SORCS2: variants seen among roughly 807,000 people sequenced by gnomAD.
The protein encoded by SORCS2 is VPS10 domain-containing receptor SorCS2.
A neutral mutation model predicts 141.6 loss-of-function variants in SORCS2; 100 were observed. That is an observed-to-expected ratio of 0.71 (90% CI 0.60 to 0.83). The LOEUF (loss-of-function observed/expected upper bound fraction) is 0.83, where lower values mean the gene tolerates loss of function less well. SORCS2 is among the 40% of genes least tolerant of loss of function. The pLI is 0.00. For missense variants in SORCS2, 1,646 were observed against 1,560.2 expected, an observed-to-expected ratio of 1.05 and a Z score of -0.93; for synonymous variants, 789 against 676.9, an observed-to-expected ratio of 1.17 and a Z score of -2.57.
chr4:7,327,677 A>T (rs992327016), intron 1 of SORCS2, among the ~76,000 whole-genome samples: 4 of 151,822 alleles, frequency 2.6e-5, no homozygotes, highest in Non-Finnish European at 5.9e-5. Flanking sequence ...GTCTCCCGGG[A>T]CGTCTCTTGT....
At chr4:7,414,786 A>G (rs760812046) in intron 2 of SORCS2, among the ~76,000 whole-genome samples, 2 of 152,204 alleles carry the variant, frequency 1.3e-5, no homozygotes, top group Non-Finnish European at 2.9e-5. Context: ...GCTGGACACG[A>G]ACTCAAGGTT....
At position 7,733,369 on chromosome 4, in the gene SORCS2, C is replaced by T; in HGVS notation, c.3156C>T (p.Phe1052=). The T allele has an allele frequency of 4.4e-6, 7 of 1,586,560 alleles. No homozygotes were observed. The highest frequency in any genetic ancestry group is 6.0e-6 in the Non-Finnish European group (7 of 1,167,270). ...TGCTGAACGCACAGAAGATCAGCTT[C>T]CTCCTGCGAGGCGGAGTCCGGGTCC... ...QQVLNAQKIS[F]LLRGGVRVLV... is the part of the protein sequence containing the mutation. Residue 1052 remains phenylalanine, a synonymous_variant, in exon 24 of 27, where the codon TTC becomes TTT. Transcript: ENST00000507866.
rs12508993 is a variant in SORCS2 at position 7,383,190 on chromosome 4, G to C, written c.481-13098G>C. Among the ~76,000 whole-genome samples, 492 of 152,150 alleles carry C rather than the reference G, an allele frequency of 3.2e-3. 5 individuals carry two copies. The East Asian group carries it at 0.047, about 14-fold the overall frequency. On this transcript the variant is annotated intron_variant, in intron 1 of 26. Coordinates refer to ENST00000507866, the MANE Select transcript of SORCS2 (RefSeq NM_020777.3). Reference sequence around the variant, plus strand: ...GATAATTTGGTACGGAGCTCAAGAGGGCTCTGTGTGGCTTCTTCCCAAGTT... The same window carrying C: ...GATAATTTGGTACGGAGCTCAAGAGCGCTCTGTGTGGCTTCTTCCCAAGTT...
chr4:7,467,947 G>A (rs1250404103), intron 2 of SORCS2, among the ~76,000 whole-genome samples: 1 of 152,208 alleles, frequency 6.6e-6, no homozygotes. Context: ...GTTTGAGTGG[G>A]CTCCTGCCCA....
rs557430915 is a variant in SORCS2 at position 7,256,160 on chromosome 4, C to G, written c.480+63034C>G. Among the ~76,000 whole-genome samples, 13 of 152,244 alleles carry G rather than the reference C, an allele frequency of 8.5e-5. No homozygotes were observed. The East Asian group carries it at 2.5e-3, about 30-fold the overall frequency. The stretch of plus-strand genomic sequence containing the variant: ...GGCCATGGGTGTCTGGGGCAAGTGT[C>G]CTGAAGAACAGCCCTGGGGCAGGGA... On this transcript the variant is annotated intron_variant, in intron 1 of 26. Coordinates refer to ENST00000507866, the MANE Select transcript of SORCS2 (RefSeq NM_020777.3).
At chr4:7,522,353 A>T (rs1293101561) in intron 2 of SORCS2, among the ~76,000 whole-genome samples, 3 of 152,272 alleles carry the variant, frequency 2.0e-5, no homozygotes, top group Non-Finnish European at 4.4e-5. Context: ...GCAGTTAAGC[A>T]GCCGATTTGC....
At chr4:7,478,850 C>T (rs11934986) in intron 2 of SORCS2, among the ~76,000 whole-genome samples, 33,133 of 152,084 alleles carry the variant, frequency 0.22, 4,042 homozygotes, top group African/African-American at 0.34. Context: ...AGCTGGGCAC[C>T]GAGGCCTGGG....
At chr4:7,640,532 G>A (rs1031040196) in intron 4 of SORCS2, among the ~76,000 whole-genome samples, 23 of 151,688 alleles carry the variant, frequency 1.5e-4, no homozygotes, top group Admixed American at 2.0e-4. Context: ...GTGGACGTGC[G>A]TGGGTGTGTG....
chr4:7,677,877 G>A (rs991061438), intron 9 of SORCS2, among the ~76,000 whole-genome samples: 5 of 152,142 alleles, frequency 3.3e-5, no homozygotes, highest in African/African-American at 1.2e-4. Flanking sequence ...TGTCCCAAAG[G>A]CCCTGCCCTC....
chr4:7,631,533 C>G (rs1719894633), intron 3 of SORCS2, among the ~76,000 whole-genome samples: 2 of 152,138 alleles, frequency 1.3e-5, no homozygotes, highest in Admixed American at 1.3e-4. Context: ...TGATGGACAG[C>G]CTCTCCTCCA....
At chr4:7,272,895 C>G (rs1715242405) in intron 1 of SORCS2, among the ~76,000 whole-genome samples, 2 of 152,252 alleles carry the variant, frequency 1.3e-5, no homozygotes, top group South Asian at 2.1e-4. Context: ...TCTCCAAGAC[C>G]CTCTTTGCTC....
chr4:7,215,087 A>G (rs1471252561), intron 1 of SORCS2, among the ~76,000 whole-genome samples: 8 of 152,040 alleles, frequency 5.3e-5, no homozygotes, highest in Admixed American at 3.3e-4. Context: ...TGGGCTGGCC[A>G]AGGCAGGAGC....
rs1726921470 is a variant in SORCS2, at chr4:7,192,786, G to A, written c.140G>A (p.Gly47Glu). The change falls in exon 1 of 27, where the codon GGG becomes GAG. Residue 47 changes from glycine to glutamate, a missense_variant. Coordinates refer to ENST00000507866, the MANE Select transcript of SORCS2 (RefSeq NM_020777.3). The surrounding 1 kb of genome is among the most constrained non-coding windows in gnomAD (Gnocchi z 4.0). Reference protein sequence around the residue: ...LLLLLLLGACGAAGRSPEPGR... With the variant: ...LLLLLLLGACEAAGRSPEPGR... ...CTGCTGCTGCTGCTGGGCGCCTGCG[G>A]GGCGGCGGGGCGCTCCCCTGAGCCC... 4 of 1,013,430 alleles carry A rather than the reference G, an allele frequency of 3.9e-6. No homozygotes were observed. The highest frequency in any genetic ancestry group is 3.5e-5 in the African/African-American group (2 of 57,330). The allele number at this position is 1,013,430 out of a possible 1,614,324, so 62.8% of individuals were successfully genotyped here.
intron 9 of SORCS2, among the ~76,000 whole-genome samples, chr4:7,677,269 A>G (rs893564946): frequency 6.6e-6 from 1 of 152,084 alleles, no homozygotes; most frequent in Admixed American, 6.5e-5. Flanking sequence ...CATCGCACCA[A>G]TGTGGCTCCA....
At chr4:7,625,720 A>T (rs865822404) in intron 3 of SORCS2, among the ~76,000 whole-genome samples, 1 of 149,640 alleles carries the variant, frequency 6.7e-6, no homozygotes, top group Non-Finnish European at 1.5e-5. Context: ...GAGATGAAGG[A>T]AGGAGAGAAG....
At chr4:7,543,117 G>A (rs576685960) in intron 3 of SORCS2, among the ~76,000 whole-genome samples, 1 of 152,350 alleles carries the variant, frequency 6.6e-6, no homozygotes, top group Admixed American at 6.5e-5. Context: ...CAGGCTGAAG[G>A]ACACAGGATG....
intron 2 of SORCS2, among the ~76,000 whole-genome samples, chr4:7,461,635 C>A (rs1040049396): frequency 2.0e-5 from 3 of 152,194 alleles, no homozygotes; most frequent in Non-Finnish European, 4.4e-5. Flanking sequence ...GTAGCAGCAG[C>A]CTCGCTGCTG....
At chr4:7,737,758 T>C (rs554484676) in intron 26 of SORCS2, among the ~76,000 whole-genome samples, 2 of 152,346 alleles carry the variant, frequency 1.3e-5, no homozygotes, top group East Asian at 1.9e-4. Flanking sequence ...TATGGCCGTT[T>C]TCTCTTCTGG....
rs1721245552 is a variant in SORCS2, at chr4:7,648,717, T to C, written c.814-5417T>C. Among the ~76,000 whole-genome samples the C allele has an allele frequency of 3.3e-5, 5 of 152,106 alleles. No individual in the cohort carries two copies. In the South Asian group the frequency reaches 1.0e-3, roughly 32 times the overall value. ...AGAGCTCAGAATGTGAGCTTGGACCTGCCATGGTGGAGGAAGAGAGGCTAG... is the reference window on the plus strand; with the variant it reads ...AGAGCTCAGAATGTGAGCTTGGACCCGCCATGGTGGAGGAAGAGAGGCTAG... On this transcript the variant is annotated intron_variant, in intron 4 of 26. Transcript: ENST00000507866. The surrounding 1 kb of genome is among the most constrained non-coding windows in gnomAD (Gnocchi z 4.2).
Sources: gnomAD v4.1 joint callset for allele counts (sites outside exome capture counted in the v4.1 genomes callset) on GRCh38, gnomAD v4.1.1 for gene constraint, Gnocchi (gnomAD v3.1) non-coding constraint, MANE v1.5 for transcripts, NCBI Gene and HGNC (gene_info 2026-07-23, HGNC 2026-07-21) for gene names.